RBX1: variants seen among roughly 807,000 people sequenced by gnomAD.
The protein encoded by RBX1 is ring-box 1.
For synonymous variants in RBX1, 48 were observed against 47.9 expected (o/e 1.00, Z -0.01); for missense variants, 46 against 141.4 (o/e 0.33, Z 3.42).
intron 2 of RBX1, among the ~76,000 whole-genome samples, chr22:40,959,823 G>A (rs898693352): frequency 2.6e-5 from 4 of 151,512 alleles, no homozygotes; most frequent in Admixed American, 6.6e-5. Context: ...AAGAAAAAAA[G>A]GAATGAATCT....
intron 1 of RBX1, among the ~76,000 whole-genome samples, chr22:40,953,285 C>T (rs942729005): frequency 3.3e-5 from 5 of 152,056 alleles, no homozygotes; most frequent in Admixed American, 1.3e-4. Flanking sequence ...CCACTGCACC[C>T]GGCCAGACTA....
chr22:40,964,209 T>G lies in RBX1; in HGVS notation c.228+92T>G, dbSNP rs1380425427. On this transcript the variant is annotated intron_variant, in intron 3 of 4. Coordinates refer to ENST00000216225, the MANE Select transcript of RBX1 (RefSeq NM_014248.4). ...TCTTGAAAATAACTAGGGAAAAAAATGACTAGTCCACCTTTCTCCCAAAAG... is the reference window on the plus strand; with the variant it reads ...TCTTGAAAATAACTAGGGAAAAAAAGGACTAGTCCACCTTTCTCCCAAAAG... 1,013 of 929,648 alleles carry G rather than the reference T, an allele frequency of 1.1e-3. 18 individuals carry two copies. The South Asian group carries it at 0.014, about 13-fold the overall frequency. 57.6% of individuals were successfully genotyped at this position (929,648 alleles called of 1,614,324 possible). A position where few individuals can be genotyped will look rare whatever the true frequency, so the allele number is the denominator to read the frequency against.
chr22:40,964,785 C>G (rs904993248), intron 3 of RBX1, among the ~76,000 whole-genome samples: 1 of 152,184 alleles, frequency 6.6e-6, no homozygotes, highest in Non-Finnish European at 1.5e-5. Flanking sequence ...CAGTTCCCAG[C>G]ATGACACAGG....
chr22:40,964,536 G>T (rs1013386558), intron 3 of RBX1: 5 of 166,810 alleles, frequency 3.0e-5, no homozygotes, highest in African/African-American at 1.2e-4. Context: ...TGTGTTTTAA[G>T]TGTGGCGTAT....
At chr22:40,959,853 A>T (rs935850589) in intron 2 of RBX1, among the ~76,000 whole-genome samples, 2 of 152,134 alleles carry the variant, frequency 1.3e-5, no homozygotes, top group Non-Finnish European at 2.9e-5. Context: ...GCAGTGGCTC[A>T]CGCCTGTAAT....
chr22:40,968,021 T>A (rs1334335648), intron 4 of RBX1, 137 bp downstream of exon 4: 1 of 553,164 alleles, frequency 1.8e-6, no homozygotes, highest in East Asian at 3.0e-5. Context: ...CTAGGACTTA[T>A]CTATATGGAA....
intron 1 of RBX1, among the ~76,000 whole-genome samples, chr22:40,952,255 A>C (rs191047993): frequency 7.2e-4 from 110 of 152,314 alleles, no homozygotes; most frequent in Non-Finnish European, 1.1e-3. Flanking sequence ...GCAAAAATGG[A>C]ACGTGTCTTT....
intron 2 of RBX1, among the ~76,000 whole-genome samples, chr22:40,959,679 C>T (rs1257301863): frequency 3.9e-5 from 6 of 151,968 alleles, no homozygotes; most frequent in African/African-American, 1.4e-4. Context: ...GGCATGGTGG[C>T]GCATGCCTGT....
Position 40,962,680 on chromosome 22 carries a change from T to A in RBX1, c.158-1367T>A, listed in dbSNP as rs547828407. Among the ~76,000 whole-genome samples, 115 of 150,066 alleles carry A rather than the reference T, an allele frequency of 7.7e-4. No homozygotes were observed. The Middle Eastern group carries it at 0.01, about 13-fold the overall frequency. On this transcript the variant is annotated intron_variant, in intron 2 of 4. Transcript: ENST00000216225. ...ACACCTGGCTAATTTTTATTTATTTTTTTATTTTTATTTTTATTTATTTAT... is the reference window on the plus strand; with the variant it reads ...ACACCTGGCTAATTTTTATTTATTTATTTATTTTTATTTTTATTTATTTAT...
chr22:40,965,302 C>CA lies in RBX1; in HGVS notation c.228+1198dup, dbSNP rs950080035. On this transcript the variant is annotated intron_variant, in intron 3 of 4. Transcript: ENST00000216225. ...TGGGTGACAAAGTGAGACTCTGTCTCAAAAAAAAAAAAATCTAAATAAATA... is the reference window on the plus strand; with the variant it reads ...TGGGTGACAAAGTGAGACTCTGTCTCAAAAAAAAAAAAAATCTAAATAAATA... Among the ~76,000 whole-genome samples the CA allele has an allele frequency of 7.6e-4, 100 of 130,912 alleles. 1 individual carries two copies. Among genetic ancestry groups the CA allele is most frequent in the East Asian group, 2.4e-3 (11 of 4,584 alleles). 85.9% of individuals were successfully genotyped at this position (130,912 alleles called of 152,430 possible). A position where few individuals can be genotyped will look rare whatever the true frequency, so the allele number is the denominator to read the frequency against.
intron 2 of RBX1, among the ~76,000 whole-genome samples, chr22:40,955,667 G>A (rs915035219): frequency 6.8e-4 from 103 of 152,200 alleles, no homozygotes; most frequent in African/African-American, 2.5e-3. Flanking sequence ...TGCAATGTAA[G>A]ACTAACCCAT....
At chr22:40,955,030 G>C (rs138279175) in intron 2 of RBX1, among the ~76,000 whole-genome samples, 2 of 151,908 alleles carry the variant, frequency 1.3e-5, no homozygotes, top group Non-Finnish European at 2.9e-5. Flanking sequence ...CGGGTGATCC[G>C]CGTGCCTCTG....
Position 40,972,774 on chromosome 22 carries a change from G to T in RBX1, c.*286G>T. On this transcript the variant is annotated 3_prime_UTR_variant, in exon 5 of 5. Coordinates refer to ENST00000216225, the MANE Select transcript of RBX1 (RefSeq NM_014248.4). The stretch of plus-strand genomic sequence containing the variant: ...GTGAAATGTTTGTTCATCGGGGCCA[G>T]AGCAGGGTTGTCCTCTGAGCGCATC... 2.7e-6 allele frequency: 1 copy of T among 376,128 alleles called. No homozygotes were observed. The highest frequency in any genetic ancestry group is 2.9e-5 in the South Asian group (1 of 34,538). The allele number at this position is 376,128 out of a possible 1,614,324, so 23.3% of individuals were successfully genotyped here.
intron 4 of RBX1, among the ~76,000 whole-genome samples, chr22:40,968,245 C>A: frequency 6.6e-6 from 1 of 151,978 alleles, no homozygotes; most frequent in Non-Finnish European, 1.5e-5. Flanking sequence ...TGTGTGCCAC[C>A]ATGCACAGCT....
chr22:40,959,641 T>C (rs1212178920), intron 2 of RBX1, among the ~76,000 whole-genome samples: 1 of 152,002 alleles, frequency 6.6e-6, no homozygotes. Context: ...GGAAACCCCA[T>C]CTCTACTAAA....
chr22:40,954,710 G>C lies in RBX1; in HGVS notation c.157+1077G>C, dbSNP rs376660950. Among the ~76,000 whole-genome samples, 22 of 151,046 alleles carry C rather than the reference G, an allele frequency of 1.5e-4. No homozygotes were observed. In the South Asian group the frequency reaches 4.2e-3, roughly 29 times the overall value. Reference sequence around the variant, plus strand: ...TACAACTTTGTCTTGAGTCACTCCTGCTCACTCTGTTAGTTTACCTGGATG... The same window carrying C: ...TACAACTTTGTCTTGAGTCACTCCTCCTCACTCTGTTAGTTTACCTGGATG... On this transcript the variant is annotated intron_variant, in intron 2 of 4. Coordinates refer to ENST00000216225, the MANE Select transcript of RBX1 (RefSeq NM_014248.4).
intron 3 of RBX1, among the ~76,000 whole-genome samples, chr22:40,965,352 G>C (rs1426561718): frequency 6.6e-6 from 1 of 150,848 alleles, no homozygotes; most frequent in Non-Finnish European, 1.5e-5. Context: ...AGGTGTTACT[G>C]TGTAGATGGT....
chr22:40,966,123 A>G (rs2058353649), intron 3 of RBX1: 1 of 152,230 alleles, frequency 6.6e-6, no homozygotes, highest in Non-Finnish European at 1.5e-5. Flanking sequence ...TAAAATGAAG[A>G]TAAAAATATC....
At chr22:40,959,855 G>A (rs757349084) in intron 2 of RBX1, among the ~76,000 whole-genome samples, 9 of 152,090 alleles carry the variant, frequency 5.9e-5, no homozygotes, top group South Asian at 2.1e-4. Context: ...AGTGGCTCAC[G>A]CCTGTAATCT....
Sources: allele counts gnomAD v4.1 joint callset (sites outside exome capture counted in the v4.1 genomes callset), GRCh38; gene constraint gnomAD v4.1.1; transcripts MANE v1.5; gene names NCBI Gene and HGNC (gene_info 2026-07-23, HGNC 2026-07-21).